The following FRY variants were observed in gnomAD, a reference collection of about 807,000 sequenced individuals.
The protein encoded by FRY is protein furry homolog.
Under a neutral mutation model 348.4 loss-of-function variants are expected in FRY, and 128 were observed. That is an observed-to-expected ratio of 0.37 (90% CI 0.32 to 0.43). The LOEUF (loss-of-function observed/expected upper bound fraction) is 0.43, where lower values mean the gene tolerates loss of function less well. Among genes scored for constraint, FRY ranks in the 20% least tolerant of loss-of-function variants. The pLI is 1.00. For synonymous variants in FRY, 1,370 were observed against 1,374.7 expected, an observed-to-expected ratio of 1.00 and a Z score of 0.08; for missense variants, 2,736 against 3,695.2, an observed-to-expected ratio of 0.74 and a Z score of 6.73.
Position 32,154,875 on chromosome 13 carries a change from T to C in FRY, c.1480-616T>C, listed in dbSNP as rs149483057. Among the ~76,000 whole-genome samples, 360 of 152,322 alleles carry C rather than the reference T, an allele frequency of 2.4e-3. 1 individual carries two copies. Among genetic ancestry groups the C allele is most frequent in the African/African-American group, 8.3e-3 (346 of 41,582 alleles). On this transcript the variant is annotated intron_variant, in intron 14 of 60. Coordinates refer to ENST00000542859, the MANE Select transcript of FRY (RefSeq NM_023037.3). ...ACTAAGCCATCTTTCAGGGCCAAAG[T>C]TGTGCCATACCTGAGCCTAAGGAAG...
Position 32,295,702 on chromosome 13 carries a change from A to G in FRY, c.*242A>G, listed in dbSNP as rs946913823. 5.2e-6 allele frequency: 3 copies of G among 579,038 alleles called. No homozygotes were observed. The highest frequency in any genetic ancestry group is 9.3e-6 in the Non-Finnish European group (3 of 323,818). The allele number at this position is 579,038 out of a possible 1,614,324, so 35.9% of individuals were successfully genotyped here. On this transcript the variant is annotated 3_prime_UTR_variant, in exon 61 of 61. Coordinates refer to ENST00000542859, the MANE Select transcript of FRY (RefSeq NM_023037.3). ...TCATGCTGTGTGGCACAAATGTGTT[A>G]CATTTGACCGAGCATATGCAACTCG... is the stretch of plus-strand genomic sequence containing the variant.
Position 32,239,639 on chromosome 13 carries a change from T to C in FRY, c.6517-72T>C. The C allele has an allele frequency of 4.7e-6, 5 of 1,059,758 alleles. No individual in the cohort carries two copies. Among genetic ancestry groups the C allele is most frequent in the Admixed American group, 3.5e-5 (2 of 56,392 alleles). The allele number at this position is 1,059,758 out of a possible 1,614,324, so 65.6% of individuals were successfully genotyped here. On this transcript the variant is annotated intron_variant, in intron 45 of 60. Transcript: ENST00000542859. This position sits in a 1 kb window ranked among gnomAD's most constrained non-coding sequence, Gnocchi z 4.3. ...CTACTTTCCAGATGGCCAGAGCTTA[T>C]AGTAAAATTGCTAACATTTCTTCCT... is the stretch of plus-strand genomic sequence containing the variant.
chr13:32,206,768 C>A (rs981956169), intron 31 of FRY, among the ~76,000 whole-genome samples: 1 of 152,132 alleles, frequency 6.6e-6, no homozygotes, highest in Non-Finnish European at 1.5e-5. Context: ...TTAAAAATAA[C>A]ACAGAAAAAT....
In FRY at chr13:32,074,419, T is replaced by C. The variant is rs141289299; in HGVS notation, c.71-4415T>C. ...ACGGATTCAATAATTAGAAACCTAATTAATATATAAAAGTAATGCTCTTCT... is the reference window on the plus strand; with the variant it reads ...ACGGATTCAATAATTAGAAACCTAACTAATATATAAAAGTAATGCTCTTCT... On this transcript the variant is annotated intron_variant, in intron 1 of 60. Coordinates refer to ENST00000542859, the MANE Select transcript of FRY (RefSeq NM_023037.3). Among the ~76,000 whole-genome samples, 597 of 152,252 alleles carry C rather than the reference T, an allele frequency of 3.9e-3. 3 individuals are homozygous for C. The highest frequency in any genetic ancestry group is 0.017 in the Middle Eastern group (5 of 294).
chr13:32,281,158 C>T (rs565826214), intron 58 of FRY, among the ~76,000 whole-genome samples: 1 of 152,288 alleles, frequency 6.6e-6, no homozygotes, highest in Admixed American at 6.5e-5. Flanking sequence ...TGTGACAACT[C>T]TGTTAGCATT....
chr13:32,099,756 G>T (rs1877026707), intron 2 of FRY, among the ~76,000 whole-genome samples: 1 of 151,706 alleles, frequency 6.6e-6, no homozygotes. Flanking sequence ...GTCTTGCTTT[G>T]AGTTACATTT....
chr13:32,155,736 G>A lies in FRY; in HGVS notation c.1651+74G>A, dbSNP rs975406226. ...TGACCAGTAGATATTTATCTTTAGT[G>A]AGATGCAGTTTTTAAAAATCTTTAT... On this transcript the variant is annotated intron_variant, in intron 15 of 60. Transcript: ENST00000542859. The A allele has an allele frequency of 2.1e-5, 21 of 989,664 alleles. No individual in the cohort carries two copies. The Admixed American group carries it at 2.6e-4, about 12-fold the overall frequency. 61.3% of individuals were successfully genotyped at this position (989,664 alleles called of 1,614,324 possible).
At chr13:32,033,044 TATCCATA>T (rs1872322986) in intron 1 of FRY, among the ~76,000 whole-genome samples, 1 of 152,186 alleles carries the variant, frequency 6.6e-6, no homozygotes, top group African/African-American at 2.4e-5. Context: ...CTCTAAATGA[TATCCATA>T]GAAACCATTT....
chr13:32,226,230 C>G (rs1885573756), intron 39 of FRY, among the ~76,000 whole-genome samples: 1 of 152,114 alleles, frequency 6.6e-6, no homozygotes, highest in Non-Finnish European at 1.5e-5. Context: ...TGAATATGTT[C>G]CTCCTGATGC....
intron 58 of FRY, among the ~76,000 whole-genome samples, chr13:32,279,851 C>G (rs1888726056): frequency 6.6e-6 from 1 of 152,142 alleles, no homozygotes; most frequent in Non-Finnish European, 1.5e-5. Context: ...GTTTGCAGTC[C>G]TGAGAGTAAC....
chr13:32,279,526 A>G lies in FRY; in HGVS notation c.8469+978A>G, dbSNP rs574496476. ...CTGAAAAGGATTAACAGTGGGGATG[A>G]TTAGATCAAGGCTCTCCCACTCTGT... On this transcript the variant is annotated intron_variant, in intron 58 of 60. Transcript: ENST00000542859. 1.1e-4 allele frequency among the ~76,000 whole-genome samples: 17 copies of G among 152,348 alleles called. No individual in the cohort carries two copies. In the South Asian group the frequency reaches 3.5e-3, roughly 32 times the overall value.
chr13:32,144,030 A>G (rs1880243805), intron 11 of FRY, among the ~76,000 whole-genome samples: 1 of 152,158 alleles, frequency 6.6e-6, no homozygotes, highest in Non-Finnish European at 1.5e-5. Flanking sequence ...GCTTTTAACC[A>G]CCATGTAAGT....
intron 1 of FRY, among the ~76,000 whole-genome samples, chr13:32,075,837 A>T (rs1251456056): frequency 7.9e-5 from 12 of 152,172 alleles, no homozygotes; most frequent in African/African-American, 2.9e-4. Flanking sequence ...GCCTACGCTG[A>T]TCTGTGTTTG....
In FRY at chr13:32,145,577, G is replaced by A. The variant is rs191238344; in HGVS notation, c.1180-1705G>A. On this transcript the variant is annotated intron_variant, in intron 11 of 60. Transcript: ENST00000542859. The stretch of plus-strand genomic sequence containing the variant: ...TTTTGAGACGGAGTCTCGCTCTGTC[G>A]CCCAGGCCGGACTGCGGACTGCAGT... 1.3e-4 allele frequency among the ~76,000 whole-genome samples: 16 copies of A among 127,132 alleles called. No homozygotes were observed. The East Asian group carries it at 3.1e-3, about 25-fold the overall frequency. 83.4% of individuals were successfully genotyped at this position (127,132 alleles called of 152,430 possible). A position where few individuals can be genotyped will look rare whatever the true frequency, so the allele number is the denominator to read the frequency against.
At position 32,295,474 on chromosome 13, in the gene FRY, T is replaced by A. The variant is rs1363838860; in HGVS notation, c.*14T>A. On this transcript the variant is annotated 3_prime_UTR_variant, in exon 61 of 61. Transcript: ENST00000542859. ...ACTAGTCTCTGACAGGAGCCTCCTGTCCCCACTGGGTTCCAAACTGGCAGT... is the reference window on the plus strand; with the variant it reads ...ACTAGTCTCTGACAGGAGCCTCCTGACCCCACTGGGTTCCAAACTGGCAGT... 1.9e-6 allele frequency: 3 copies of A among 1,608,490 alleles called. No homozygotes were observed. The South Asian group carries it at 3.3e-5, about 18-fold the overall frequency.
At chr13:32,216,102 A>G (rs1184429816) in intron 35 of FRY, among the ~76,000 whole-genome samples, 1 of 152,124 alleles carries the variant, frequency 6.6e-6, no homozygotes, top group Non-Finnish European at 1.5e-5. Context: ...ACAAGGTAAA[A>G]CTGAGGGGAA....
At chr13:32,096,279 G>A (rs1370847436) in intron 2 of FRY, among the ~76,000 whole-genome samples, 5 of 152,134 alleles carry the variant, frequency 3.3e-5, no homozygotes, top group African/African-American at 1.2e-4. Flanking sequence ...AATGCATACA[G>A]TTATAGTCAG....
intron 47 of FRY, among the ~76,000 whole-genome samples, chr13:32,246,549 A>T (rs1208687997): frequency 6.6e-6 from 1 of 152,228 alleles, no homozygotes; most frequent in Non-Finnish European, 1.5e-5. Flanking sequence ...CTTGCAGGCC[A>T]TGCTCAAAGA....
intron 40 of FRY, 116 bp from the exon 41 acceptor site, chr13:32,231,063 T>C: frequency 3.8e-6 from 3 of 798,912 alleles, no homozygotes; most frequent in Non-Finnish European, 6.0e-6. Flanking sequence ...CTTTGTCAGA[T>C]GCATAGATTG....
Sources: gnomAD v4.1 joint callset for allele counts (sites outside exome capture counted in the v4.1 genomes callset) on GRCh38, gnomAD v4.1.1 for gene constraint, Gnocchi (gnomAD v3.1) non-coding constraint, MANE v1.5 for transcripts, NCBI Gene and HGNC (gene_info 2026-07-23, HGNC 2026-07-21) for gene names.